Variants in GTF3C1 observed in about 807,000 individuals in gnomAD.
GTF3C1 encodes the protein general transcription factor 3C polypeptide 1.
A neutral mutation model predicts 226.7 loss-of-function variants in GTF3C1; 57 were observed. The ratio of observed to expected loss-of-function variants is 0.25; its 90% CI spans 0.20 to 0.31. GTF3C1 has a LOEUF of 0.31. GTF3C1 is among the 10% of genes least tolerant of loss of function. GTF3C1 has a pLI of 1.00. For synonymous variants in GTF3C1, 1,090 were observed against 1,084.8 expected, an observed-to-expected ratio of 1.00 and a Z score of -0.09; for missense variants, 2,217 against 2,776.1, an observed-to-expected ratio of 0.80 and a Z score of 4.53.
At position 27,464,443 on chromosome 16, in the gene GTF3C1, C is replaced by T. The variant is rs1309495650; in HGVS notation, c.5749G>A (p.Glu1917Lys). 3.1e-6 allele frequency: 5 copies of T among 1,602,712 alleles called. No individual in the cohort carries two copies. The highest frequency in any genetic ancestry group is 4.3e-6 in the Non-Finnish European group (5 of 1,174,638). ...GCTGCTCCCGCTGCAGCGGTGTCTT[C>T]AAGAGCTGGGGGTGGAGATGGGGCC... ...AQAPSPPPAL[E>K]DTAAAGAAQE... Residue 1917 changes from glutamate (E) to lysine (K), a missense_variant, in exon 34 of 37, where the codon GAA becomes AAA. Physicochemically the swap from Glu to Lys is moderately conservative, Grantham distance 56. Around this residue, in one of 12 missense-constraint regions of GTF3C1, gnomAD observed 455 missense variants for 441.9 expected, o/e 1.03. Transcript: ENST00000356183.
Position 27,469,985 on chromosome 16 carries a change from A to T in GTF3C1, c.4814+123T>A. On this transcript the variant is annotated intron_variant, in intron 31 of 36. Transcript: ENST00000356183. This position sits in a 1 kb window ranked among gnomAD's most constrained non-coding sequence, Gnocchi z 4.5. The stretch of plus-strand genomic sequence containing the variant: ...CCTTAGACACCGGCCTATAATCCCC[A>T]GTCACTCATCTGCAACTCCCATCCC... 1 of 774,518 alleles carries T rather than the reference A, an allele frequency of 1.3e-6. No individual in the cohort carries two copies. Among genetic ancestry groups the T allele is most frequent in the Non-Finnish European group, 2.2e-6 (1 of 464,430 alleles). The allele number at this position is 774,518 out of a possible 1,614,324, so 48.0% of individuals were successfully genotyped here. A position where few individuals can be genotyped will look rare whatever the true frequency, so the allele number is the denominator to read the frequency against.
Position 27,499,541 on chromosome 16 carries a change from G to C in GTF3C1, c.2062-808C>G, listed in dbSNP as rs550466892. ...CAGCTTCATGCTGAACATGGGCTCAGAAAGATCTGGAAACAGGGGGCAGGA... is the reference window on the plus strand; with the variant it reads ...CAGCTTCATGCTGAACATGGGCTCACAAAGATCTGGAAACAGGGGGCAGGA... On this transcript the variant is annotated intron_variant, in intron 12 of 36. Transcript: ENST00000356183. Among the ~76,000 whole-genome samples the C allele has an allele frequency of 1.9e-3, 295 of 152,310 alleles. 3 individuals are homozygous for C. Among genetic ancestry groups the C allele is most frequent in the Admixed American group, 2.9e-3 (44 of 15,304 alleles).
At chr16:27,495,181 C>T (rs749656594) in intron 15 of GTF3C1, 30 bp downstream of exon 15, 3 of 1,564,988 alleles carry the variant, frequency 1.9e-6, no homozygotes, top group African/African-American at 2.7e-5. Flanking sequence ...CCTGCCCGCC[C>T]CAGGTGCAGG....
intron 10 of GTF3C1, among the ~76,000 whole-genome samples, chr16:27,505,482 G>C (rs977577522): frequency 6.6e-6 from 1 of 152,178 alleles, no homozygotes; most frequent in Non-Finnish European, 1.5e-5. Flanking sequence ...GTGTGGCACT[G>C]AGAACTGTCT....
At chr16:27,522,606 A>C (rs2088766294) in intron 6 of GTF3C1, among the ~76,000 whole-genome samples, 2 of 152,128 alleles carry the variant, frequency 1.3e-5, no homozygotes, top group Admixed American at 6.5e-5. Flanking sequence ...TTCCCTGTGA[A>C]TTTTAGCATC....
intron 24 of GTF3C1, 73 bp downstream of exon 24, chr16:27,485,924 T>A: frequency 1.0e-6 from 1 of 966,366 alleles, no homozygotes; most frequent in South Asian, 1.6e-5. Context: ...TGGCTGGGAG[T>A]CCCCGGAAGG....
chr16:27,493,580 T>A (rs1245888782), intron 16 of GTF3C1, among the ~76,000 whole-genome samples: 2 of 152,192 alleles, frequency 1.3e-5, no homozygotes, highest in African/African-American at 4.8e-5. Context: ...CATAAGAATA[T>A]ATACATTTAT....
chr16:27,478,722 G>C lies in GTF3C1; in HGVS notation c.4197-191C>G. On this transcript the variant is annotated intron_variant, in intron 27 of 36. Coordinates refer to ENST00000356183, the MANE Select transcript of GTF3C1 (RefSeq NM_001520.4). ...ACCCTGTCCTGCCTGTTATAAAAAG[G>C]AGGGCTGAGAAAATGTGCAATGTTC... The C allele has an allele frequency of 5.1e-6, 3 of 592,932 alleles. No individual in the cohort carries two copies. In the South Asian group the frequency reaches 6.1e-5, roughly 12 times the overall value. 36.7% of individuals were successfully genotyped at this position (592,932 alleles called of 1,614,324 possible).
Position 27,469,556 on chromosome 16 carries a change from A to AG in GTF3C1, c.4815-7dup. The AG allele has an allele frequency of 6.2e-7, 1 of 1,607,030 alleles. No individual in the cohort carries two copies. Among genetic ancestry groups the AG allele is most frequent in the East Asian group, 2.2e-5 (1 of 44,698 alleles). On this transcript the variant is annotated splice_polypyrimidine_tract_variant and splice_region_variant and intron_variant, in intron 31 of 36. Coordinates refer to ENST00000356183, the MANE Select transcript of GTF3C1 (RefSeq NM_001520.4). This position sits in a 1 kb window ranked among gnomAD's most constrained non-coding sequence, Gnocchi z 4.5. ...GGCTGCCGTCCTTCCCCAAGCTAGAAGGGAATTGTGACCTGGATACCTGAG... is the reference window on the plus strand; with the variant it reads ...GGCTGCCGTCCTTCCCCAAGCTAGAAGGGGAATTGTGACCTGGATACCTGAG...
chr16:27,478,205 C>A (rs2087982676), intron 28 of GTF3C1, among the ~76,000 whole-genome samples: 1 of 151,986 alleles, frequency 6.6e-6, no homozygotes, highest in Admixed American at 6.6e-5. Context: ...AAAAAAAGTT[C>A]TATGTGGATT....
intron 5 of GTF3C1, 81 bp from the exon 6 acceptor site, chr16:27,528,802 A>AG: frequency 7.7e-7 from 1 of 1,303,062 alleles, no homozygotes; most frequent in Non-Finnish European, 1.1e-6. Context: ...AATGAACACA[A>AG]GTTCAGGACC....
intron 14 of GTF3C1, 33 bp downstream of exon 14, chr16:27,497,604 G>A (rs1391973333): frequency 1.3e-6 from 2 of 1,549,968 alleles, no homozygotes; most frequent in East Asian, 2.2e-5. Context: ...CAAATCAAAT[G>A]TAACTAAACA....
At chr16:27,474,485 G>A (rs923103058) in intron 29 of GTF3C1, among the ~76,000 whole-genome samples, 4 of 152,150 alleles carry the variant, frequency 2.6e-5, no homozygotes, top group African/African-American at 7.2e-5. Context: ...CTCCAGCTCT[G>A]AGCCACTAAT....
intron 15 of GTF3C1, 43 bp from the exon 16 acceptor site, chr16:27,494,951 A>AGTTACCATGT: frequency 6.3e-7 from 1 of 1,581,848 alleles, no homozygotes; most frequent in Non-Finnish European, 8.7e-7. Flanking sequence ...CCAGGATACC[A>AGTTACCATGT]GTCACCATGG....
intron 2 of GTF3C1, among the ~76,000 whole-genome samples, chr16:27,540,537 G>A (rs930354039): frequency 2.6e-5 from 4 of 152,100 alleles, no homozygotes; most frequent in East Asian, 3.8e-4. Flanking sequence ...CAATAACTCC[G>A]GCTAGTTTTA....
At chr16:27,468,627 T>C (rs2087818373) in intron 32 of GTF3C1, among the ~76,000 whole-genome samples, 1 of 151,854 alleles carries the variant, frequency 6.6e-6, no homozygotes, top group Non-Finnish European at 1.5e-5. Context: ...CTTGGTGTGG[T>C]GGTTCATGCC....
In GTF3C1 at chr16:27,542,448, C is replaced by T. The variant is rs1010094593; in HGVS notation, c.431+2866G>A. Reference sequence around the variant, plus strand: ...TGGTAGCAGGTCCCTGTAAACCCAGCTACTTGGGAGGCTAAGGCAGGAGAA... The same window carrying T: ...TGGTAGCAGGTCCCTGTAAACCCAGTTACTTGGGAGGCTAAGGCAGGAGAA... On this transcript the variant is annotated intron_variant, in intron 2 of 36. Coordinates refer to ENST00000356183, the MANE Select transcript of GTF3C1 (RefSeq NM_001520.4). Among the ~76,000 whole-genome samples, 3 of 152,038 alleles carry T rather than the reference C, an allele frequency of 2.0e-5. No individual in the cohort carries two copies. The East Asian group carries it at 5.8e-4, about 29-fold the overall frequency.
intron 14 of GTF3C1, among the ~76,000 whole-genome samples, chr16:27,496,007 G>A (rs553785852): frequency 9.2e-5 from 14 of 152,314 alleles, no homozygotes; most frequent in East Asian, 7.7e-4. Flanking sequence ...TGTGATCCTC[G>A]GTGCTGGTGG....
chr16:27,539,103 G>C (rs1254372640), intron 2 of GTF3C1, among the ~76,000 whole-genome samples: 2 of 147,472 alleles, frequency 1.4e-5, no homozygotes, highest in Admixed American at 6.9e-5. Flanking sequence ...GACATCCTCA[G>C]TGCGCAGAAT....
Sources: allele counts gnomAD v4.1 joint callset (sites outside exome capture counted in the v4.1 genomes callset), GRCh38; gene constraint gnomAD v4.1.1; regional missense constraint gnomAD v4.1.1; non-coding constraint Gnocchi (gnomAD v3.1); transcripts MANE v1.5; gene names NCBI Gene and HGNC (gene_info 2026-07-23, HGNC 2026-07-21).